FSTL4: variants seen among roughly 807,000 people sequenced by gnomAD.
FSTL4 encodes follistatin like 4.
FSTL4 carries 28 observed loss-of-function variants against 78.2 expected under a neutral mutation model. The observed-to-expected ratio is 0.36, with a 90% CI of 0.27 to 0.49. The LOEUF is 0.49. Among genes scored for constraint, FSTL4 ranks in the 20% least tolerant of loss-of-function variants. FSTL4 has a pLI of 0.98. For synonymous variants in FSTL4, 422 were observed against 440.5 expected (o/e 0.96, Z 0.53); for missense variants, 922 against 1,084.9 (o/e 0.85, Z 2.11).
At chr5:133,475,969 T>C (rs1017492540) in intron 3 of FSTL4, among the ~76,000 whole-genome samples, 4 of 151,932 alleles carry the variant, frequency 2.6e-5, no homozygotes, top group African/African-American at 9.7e-5. Context: ...GCTTATCTTG[T>C]GGGGCTCTCT....
intron 3 of FSTL4, among the ~76,000 whole-genome samples, chr5:133,502,541 G>T (rs1344460185): frequency 2.0e-5 from 3 of 152,182 alleles, no homozygotes; most frequent in Non-Finnish European, 4.4e-5. Flanking sequence ...ATTGGATCAT[G>T]GGGGCAGAGT....
intron 6 of FSTL4, among the ~76,000 whole-genome samples, chr5:133,284,382 GTGTGACATTT>G (rs554551939): frequency 6.2e-4 from 94 of 152,364 alleles, no homozygotes; most frequent in African/African-American, 2.1e-3. Flanking sequence ...AATTGTTGGA[GTGTGACATTT>G]CTTCTTGATC....
chr5:133,571,766 A>C (rs371131389), intron 2 of FSTL4, among the ~76,000 whole-genome samples: 2 of 152,194 alleles, frequency 1.3e-5, no homozygotes, highest in South Asian at 2.1e-4. Context: ...CAATAGGTGG[A>C]TTTAACAACA....
At chr5:133,227,260 G>A (rs968898678) in intron 8 of FSTL4, among the ~76,000 whole-genome samples, 1 of 152,186 alleles carries the variant, frequency 6.6e-6, no homozygotes, top group Non-Finnish European at 1.5e-5. Flanking sequence ...CCAGGGAGTG[G>A]CAGAAAAGCC....
intron 7 of FSTL4, chr5:133,246,559 G>A (rs976096806): frequency 2.6e-5 from 4 of 152,224 alleles, no homozygotes; most frequent in East Asian, 1.9e-4. Flanking sequence ...CAGCTCACCC[G>A]AAGCTGCTCT....
the FSTL4 span, among the ~76,000 whole-genome samples, chr5:133,714,492 C>T: frequency 5.3e-5 from 8 of 152,214 alleles, no homozygotes; most frequent in Non-Finnish European, 1.0e-4. Flanking sequence ...ATGCCTGGAA[C>T]AGTGTCTGGT....
chr5:133,652,219 T>TC, the FSTL4 span, among the ~76,000 whole-genome samples: 2 of 152,116 alleles, frequency 1.3e-5, no homozygotes, highest in African/African-American at 4.8e-5. Context: ...TTATTGATTT[T>TC]CCCCATTGAT....
At chr5:133,409,817 G>C (rs988857443) in intron 3 of FSTL4, among the ~76,000 whole-genome samples, 1 of 152,230 alleles carries the variant, frequency 6.6e-6, no homozygotes, top group Non-Finnish European at 1.5e-5. Context: ...CATGGTCACA[G>C]ATTGAGTGGA....
At chr5:133,614,608 G>T (rs1003618696), upstream of FSTL4, among the ~76,000 whole-genome samples, 1 of 152,150 alleles carries the variant, frequency 6.6e-6, no homozygotes, top group African/African-American at 2.4e-5. Context: ...ACCTCTCAGT[G>T]TAATTTTTTG....
intron 3 of FSTL4, among the ~76,000 whole-genome samples, chr5:133,550,020 C>G (rs1465707129): frequency 6.6e-6 from 1 of 152,134 alleles, no homozygotes; most frequent in African/African-American, 2.4e-5. Flanking sequence ...ACTCCTGTCC[C>G]CATATCTCTT....
the FSTL4 span, among the ~76,000 whole-genome samples, chr5:133,792,001 G>C: frequency 2.0e-5 from 3 of 152,234 alleles, no homozygotes; most frequent in Non-Finnish European, 4.4e-5. Context: ...GCATCAACCT[G>C]TAAATTAAGT....
intron 7 of FSTL4, among the ~76,000 whole-genome samples, chr5:133,242,104 G>A (rs1287298446): frequency 2.6e-5 from 4 of 152,144 alleles, no homozygotes; most frequent in Admixed American, 1.3e-4. Flanking sequence ...TATCTTACAC[G>A]TCAACTTACA....
At chr5:133,544,139 A>G (rs1422421832) in intron 3 of FSTL4, among the ~76,000 whole-genome samples, 4 of 152,154 alleles carry the variant, frequency 2.6e-5, no homozygotes, top group Non-Finnish European at 5.9e-5. Flanking sequence ...TAATACTTAG[A>G]TTAACACAAA....
chr5:133,683,537 A>C, the FSTL4 span, among the ~76,000 whole-genome samples: 2 of 152,194 alleles, frequency 1.3e-5, no homozygotes, highest in Non-Finnish European at 2.9e-5. Flanking sequence ...TGCGTGATAG[A>C]GAAGTCGGCA....
chr5:133,779,375 A>G, the FSTL4 span, among the ~76,000 whole-genome samples: 1 of 152,178 alleles, frequency 6.6e-6, no homozygotes, highest in Non-Finnish European at 1.5e-5. Context: ...TCACAAGGTC[A>G]GGAGATGGAG....
chr5:133,819,790 T>C, the FSTL4 span, among the ~76,000 whole-genome samples: 1 of 152,214 alleles, frequency 6.6e-6, no homozygotes, highest in South Asian at 2.1e-4. Context: ...ACATAAAGAA[T>C]ATTCAGGCTG....
chr5:133,816,468 G>A, the FSTL4 span, among the ~76,000 whole-genome samples: 1 of 152,142 alleles, frequency 6.6e-6, no homozygotes, highest in African/African-American at 2.4e-5. Context: ...AAAGCCCAGG[G>A]AAAGCCATTT....
chr5:133,673,145 T>C, the FSTL4 span, among the ~76,000 whole-genome samples: 16,123 of 152,246 alleles, frequency 0.11, 1,114 homozygotes, highest in African/African-American at 0.18. Flanking sequence ...TCTATCTCAG[T>C]GAGCAAAGGA....
chr5:133,594,918 A>G (rs1760710303), intron 2 of FSTL4, among the ~76,000 whole-genome samples: 1 of 152,248 alleles, frequency 6.6e-6, no homozygotes, highest in Non-Finnish European at 1.5e-5. Flanking sequence ...TCTTATACCT[A>G]CTTAATGACA....
Sources: allele counts gnomAD v4.1 joint callset (sites outside exome capture counted in the v4.1 genomes callset), GRCh38; gene constraint gnomAD v4.1.1; transcripts MANE v1.5; gene names NCBI Gene and HGNC (gene_info 2026-07-23, HGNC 2026-07-21).